The following UGT1A7 variants were observed in gnomAD, a reference collection of about 807,000 sequenced individuals.
The protein encoded by UGT1A7 is UDP glucuronosyltransferase family 1 member A7, also known as UDP-glucuronosyltransferase 1A7.
In UGT1A7, 33 loss-of-function variants were observed where a neutral mutation model predicts 45.6. The observed-to-expected ratio is 0.72, with a 90% CI of 0.55 to 0.97. UGT1A7 has a LOEUF of 0.97. Ranked by LOEUF, UGT1A7 falls within the 50% of genes least tolerant of loss-of-function variation. UGT1A7 has a pLI of 0.00. For missense variants in UGT1A7, 684 were observed against 666.2 expected, an observed-to-expected ratio of 1.03 and a Z score of -0.29; for synonymous variants, 274 against 250.6, an observed-to-expected ratio of 1.09 and a Z score of -0.88.
intron 1 of UGT1A7, chr2:233,719,575 C>T: frequency 6.2e-7 from 1 of 1,613,950 alleles, no homozygotes; most frequent in Non-Finnish European, 8.5e-7. Context: ...GTCAGCTATG[C>T]ATCCGTGTGG....
At chr2:233,726,846 T>A (rs970892928) in intron 1 of UGT1A7, among the ~76,000 whole-genome samples, 3 of 152,320 alleles carry the variant, frequency 2.0e-5, no homozygotes, top group Admixed American at 6.5e-5. Flanking sequence ...TTTTTGTTCC[T>A]TTTCTCCATA....
rs150749285 is a variant in UGT1A7 at position 233,754,499 on chromosome 2, C to T, written c.856-12535C>T. On this transcript the variant is annotated intron_variant, in intron 1 of 4. Coordinates refer to ENST00000373426, the MANE Select transcript of UGT1A7 (RefSeq NM_019077.3). ...TTCACTTTCAATCCTAAAAAAAGTCCGCTATTCCTCCAGATGTGCTTAAAG... is the reference window on the plus strand; with the variant it reads ...TTCACTTTCAATCCTAAAAAAAGTCTGCTATTCCTCCAGATGTGCTTAAAG... The T allele has an allele frequency of 2.1e-3, 765 of 355,996 alleles. 11 individuals carry two copies. Among genetic ancestry groups the T allele is most frequent in the African/African-American group, 0.015 (707 of 46,828 alleles). The allele number at this position is 355,996 out of a possible 1,614,324, so 22.1% of individuals were successfully genotyped here. A position where few individuals can be genotyped will look rare whatever the true frequency, so the allele number is the denominator to read the frequency against.
chr2:233,719,820 C>G, intron 1 of UGT1A7: 1 of 1,571,826 alleles, frequency 6.4e-7, no homozygotes, highest in Non-Finnish European at 8.6e-7. Context: ...AACAGATAAA[C>G]TGTTGAGGGG....
Position 233,682,454 on chromosome 2 carries a change from T to G in UGT1A7, c.517T>G (p.Phe173Val), listed in dbSNP as rs749559644. 10 of 1,613,828 alleles carry G rather than the reference T, an allele frequency of 6.2e-6. No homozygotes were observed. Among genetic ancestry groups the G allele is most frequent in the African/African-American group, 1.3e-5 (1 of 74,896 alleles). Residue 173 changes from phenylalanine to valine, a missense_variant, in exon 1 of 5, where the codon TTT becomes GTT. Transcript: ENST00000373426. ...LPSVVFARGI[F>V]CHYLEEGAQC... ...CTCTGTGGTCTTCGCCAGGGGAATA[T>G]TTTGCCACTATCTTGAAGAAGGTGC...
intron 1 of UGT1A7, among the ~76,000 whole-genome samples, chr2:233,700,884 C>T (rs1424679595): frequency 6.6e-6 from 1 of 151,996 alleles, no homozygotes; most frequent in Admixed American, 6.6e-5. Flanking sequence ...CCCCCCACCC[C>T]ACAACAGTCC....
intron 1 of UGT1A7, among the ~76,000 whole-genome samples, chr2:233,702,648 A>G (rs1396425709): frequency 6.6e-6 from 1 of 152,146 alleles, no homozygotes; most frequent in East Asian, 1.9e-4. Context: ...ATCTATTCCT[A>G]GCTCGTTGAG....
At chr2:233,709,744 TAAAC>T (rs1311718504) in intron 1 of UGT1A7, among the ~76,000 whole-genome samples, 1 of 152,218 alleles carries the variant, frequency 6.6e-6, no homozygotes, top group Non-Finnish European at 1.5e-5. Context: ...ACTACTAAAA[TAAAC>T]ATTATTGGAG....
chr2:233,730,030 G>T (rs1248063013), intron 1 of UGT1A7: 4 of 1,613,378 alleles, frequency 2.5e-6, no homozygotes, highest in Non-Finnish European at 3.4e-6. Flanking sequence ...AATGTTCCAG[G>T]CAAAACACTT....
In UGT1A7 at chr2:233,769,856, TCA is replaced by T; in HGVS notation, c.1295+1418_1295+1419del. 4.3e-5 allele frequency: 14 copies of T among 322,422 alleles called. No individual in the cohort carries two copies. Among genetic ancestry groups the T allele is most frequent in the Admixed American group, 5.6e-5 (1 of 17,838 alleles). The allele number at this position is 322,422 out of a possible 1,614,324, so 20.0% of individuals were successfully genotyped here. A position where few individuals can be genotyped will look rare whatever the true frequency, so the allele number is the denominator to read the frequency against. ...CTGGGCAACAGAGTGAGACCCTGTC[TCA>T]AAAAAAAAAAAAAAAATGAAAAGTC... On this transcript the variant is annotated intron_variant, in intron 4 of 4. Transcript: ENST00000373426. The surrounding 1 kb of genome is among the most constrained non-coding windows in gnomAD (Gnocchi z 4.4).
rs762067674 is a variant in UGT1A7 at position 233,713,351 on chromosome 2, G to A, written c.855+30559G>A. 1.7e-5 allele frequency: 27 copies of A among 1,614,060 alleles called. No homozygotes were observed. Among genetic ancestry groups the A allele is most frequent in the Admixed American group, 5.0e-5 (3 of 60,000 alleles). On this transcript the variant is annotated intron_variant, in intron 1 of 4. Transcript: ENST00000373426. ...GAAGAATGGCAATTATGAACAATATGTCTTTGATCATACATAGGTCTTGTG... is the reference window on the plus strand; with the variant it reads ...GAAGAATGGCAATTATGAACAATATATCTTTGATCATACATAGGTCTTGTG...
intron 1 of UGT1A7, chr2:233,718,641 G>A: frequency 6.8e-7 from 1 of 1,475,748 alleles, no homozygotes; most frequent in Non-Finnish European, 9.1e-7. Context: ...CCAGGGTTGG[G>A]CCCATAACGA....
chr2:233,725,174 G>A (rs1352494338), intron 1 of UGT1A7, among the ~76,000 whole-genome samples: 3 of 99,246 alleles, frequency 3.0e-5, no homozygotes, highest in Admixed American at 1.8e-4. Flanking sequence ...GAGGGAGACC[G>A]TGGGGAGAGG....
intron 1 of UGT1A7, chr2:233,729,538 A>G: frequency 6.2e-7 from 1 of 1,614,196 alleles, no homozygotes; most frequent in Non-Finnish European, 8.5e-7. Context: ...TGAGGCCCTG[A>G]TCAGGCACCT....
chr2:233,718,130 TGG>T, intron 1 of UGT1A7: 1 of 281,258 alleles, frequency 3.6e-6, no homozygotes. Flanking sequence ...ATGGTGTAGA[TGG>T]AGAATCCTCA....
At chr2:233,720,203 G>C (rs1171500164) in intron 1 of UGT1A7, among the ~76,000 whole-genome samples, 1 of 152,178 alleles carries the variant, frequency 6.6e-6, no homozygotes, top group Non-Finnish European at 1.5e-5. Context: ...GGGCTGTGAA[G>C]GTGGGATGGA....
chr2:233,690,468 A>G lies in UGT1A7; in HGVS notation c.855+7676A>G. ...CTATTCAAAATGCCAGCTATCCTCC[A>G]TTTACTTTTTGGGAAATCTGCTCTT... On this transcript the variant is annotated intron_variant, in intron 1 of 4. Transcript: ENST00000373426. 3 of 1,289,048 alleles carry G rather than the reference A, an allele frequency of 2.3e-6. No individual in the cohort carries two copies. The South Asian group carries it at 3.7e-5, about 16-fold the overall frequency. 79.9% of individuals were successfully genotyped at this position (1,289,048 alleles called of 1,614,324 possible).
intron 1 of UGT1A7, chr2:233,729,503 G>T: frequency 1.2e-6 from 2 of 1,614,172 alleles, no homozygotes; most frequent in Non-Finnish European, 1.7e-6. Context: ...GTCTATCATA[G>T]GTCTTGTGTG....
chr2:233,707,493 C>T (rs900860981), intron 1 of UGT1A7, among the ~76,000 whole-genome samples: 5 of 148,778 alleles, frequency 3.4e-5, no homozygotes, highest in African/African-American at 4.9e-5. Context: ...TTACCTGTTT[C>T]GGTACTTAAC....
intron 1 of UGT1A7, chr2:233,713,051 C>T: frequency 6.2e-7 from 1 of 1,614,118 alleles, no homozygotes. Context: ...TGCTTCTCCT[C>T]AGTGTCCAGC....
Sources: gnomAD v4.1 joint callset for allele counts (sites outside exome capture counted in the v4.1 genomes callset) on GRCh38, gnomAD v4.1.1 for gene constraint, Gnocchi (gnomAD v3.1) non-coding constraint, MANE v1.5 for transcripts, NCBI Gene and HGNC (gene_info 2026-07-23, HGNC 2026-07-21) for gene names.